The following NAV2 variants were observed in gnomAD, a reference collection of about 807,000 sequenced individuals.
The protein encoded by NAV2 is neuron navigator 2.
NAV2 carries 54 observed loss-of-function variants against 223.2 expected under a neutral mutation model. That is an observed-to-expected ratio of 0.24 (90% CI 0.19 to 0.30). NAV2 has a LOEUF of 0.30. Ranked by LOEUF, NAV2 falls within the 10% of genes least tolerant of loss-of-function variation. The pLI is 1.00. For synonymous variants in NAV2, 1,279 were observed against 1,239.3 expected (o/e 1.03, Z -0.67); for missense variants, 2,806 against 3,147.5 (o/e 0.89, Z 2.60).
intron 1 of NAV2, among the ~76,000 whole-genome samples, chr11:19,785,188 A>C (rs2057016037): frequency 6.6e-6 from 1 of 152,358 alleles, no homozygotes; most frequent in Middle Eastern, 3.4e-3. Flanking sequence ...TAGTTCAAGA[A>C]GAGGCCCCAT....
At chr11:19,674,392 G>A (rs1344124322) in intron 1 of NAV2, among the ~76,000 whole-genome samples, 1 of 152,230 alleles carries the variant, frequency 6.6e-6, no homozygotes, top group African/African-American at 2.4e-5. Flanking sequence ...TTGACAGGCA[G>A]GAATGACTGC....
chr11:19,623,830 G>A lies in NAV2; in HGVS notation c.76-208654G>A, dbSNP rs116304295. ...TGAGGAGCTGTGTTATTCCTTTGGA[G>A]GAGAAGAGGAGCTCTGATGTTTAGA... On this transcript the variant is annotated intron_variant, in intron 1 of 37. Transcript: ENST00000360655. 5.6e-4 allele frequency among the ~76,000 whole-genome samples: 85 copies of A among 152,334 alleles called. 3 individuals are homozygous for A. The highest frequency in any genetic ancestry group is 1.9e-3 in the African/African-American group (81 of 41,584).
chr11:20,011,447 C>G (rs952895583), intron 11 of NAV2, among the ~76,000 whole-genome samples: 1 of 152,174 alleles, frequency 6.6e-6, no homozygotes, highest in Non-Finnish European at 1.5e-5. Flanking sequence ...AAAGACCAAA[C>G]ATGTCTTGAA....
At chr11:19,829,983 T>G (rs916334788) in intron 1 of NAV2, among the ~76,000 whole-genome samples, 1 of 152,126 alleles carries the variant, frequency 6.6e-6, no homozygotes, top group Admixed American at 6.6e-5. Context: ...TCCTAGCACT[T>G]TGGGAGGCTG....
In NAV2 at chr11:19,921,547, T is replaced by C. The variant is rs78716133; in HGVS notation, c.932-11629T>C. 2.6e-5 allele frequency among the ~76,000 whole-genome samples: 4 copies of C among 152,338 alleles called. No homozygotes were observed. In the East Asian group the frequency reaches 7.7e-4, roughly 29 times the overall value. On this transcript the variant is annotated intron_variant, in intron 6 of 37. Transcript: ENST00000349880. ...AGTTAAAGGTCAACAAACTTTGTTGTAAAGTTTCTAAAAGCTGTTGACAGA... is the reference window on the plus strand; with the variant it reads ...AGTTAAAGGTCAACAAACTTTGTTGCAAAGTTTCTAAAAGCTGTTGACAGA...
At chr11:19,392,990 C>A (rs543104512) in intron 1 of NAV2, among the ~76,000 whole-genome samples, 1 of 152,308 alleles carries the variant, frequency 6.6e-6, no homozygotes, top group African/African-American at 2.4e-5. Flanking sequence ...TATGGGTCTT[C>A]CAGAGGCTAG....
intron 1 of NAV2, among the ~76,000 whole-genome samples, chr11:19,409,654 C>T (rs760303185): frequency 5.9e-5 from 9 of 152,186 alleles, no homozygotes; most frequent in Non-Finnish European, 8.8e-5. Context: ...ACAGAGCTCC[C>T]GTGATGCTGC....
chr11:19,496,024 C>T (rs2042783646), intron 1 of NAV2, among the ~76,000 whole-genome samples: 1 of 152,090 alleles, frequency 6.6e-6, no homozygotes, highest in South Asian at 2.1e-4. Context: ...AGCTGAGACC[C>T]AAAGAGTGCA....
chr11:19,613,411 G>A (rs2046698717), intron 1 of NAV2, among the ~76,000 whole-genome samples: 1 of 152,212 alleles, frequency 6.6e-6, no homozygotes, highest in Admixed American at 6.5e-5. Context: ...CACCACCACT[G>A]CATCAGGCAG....
intron 3 of NAV2, among the ~76,000 whole-genome samples, chr11:19,860,333 A>G (rs1474456359): frequency 2.4e-4 from 32 of 135,418 alleles, no homozygotes; most frequent in African/African-American, 8.2e-4. Flanking sequence ...TGCCAGGCAG[A>G]GGGTCTCCTC....
chr11:19,968,084 G>C (rs2048916597), intron 10 of NAV2, among the ~76,000 whole-genome samples: 1 of 151,950 alleles, frequency 6.6e-6, no homozygotes, highest in African/African-American at 2.4e-5. Flanking sequence ...ATAAGAGTAT[G>C]AGGACCGCTG....
Position 20,114,659 on chromosome 11 carries a change from C to T in NAV2, c.7028C>T (p.Ala2343Val). 6.2e-7 allele frequency: 1 copy of T among 1,614,114 alleles called. No individual in the cohort carries two copies. Among genetic ancestry groups the T allele is most frequent in the Non-Finnish European group, 8.5e-7 (1 of 1,180,002 alleles). ...GTGATGGACACATATCCATGGGCAG[C>T]CAGCCCACAACAGCACGAGTGGCCT... The part of the protein sequence containing the change: ...KWVMDTYPWA[A>V]SPQQHEWPPL... The change falls in exon 37 of 38, where the codon GCC becomes GTC. Residue 2343 changes from alanine (A) to valine (V), a missense_variant. Physicochemically the swap from Ala to Val is moderately conservative, Grantham distance 64. Transcript: ENST00000349880.
chr11:19,483,531 G>A (rs2042344292), intron 1 of NAV2, among the ~76,000 whole-genome samples: 1 of 152,162 alleles, frequency 6.6e-6, no homozygotes, highest in South Asian at 2.1e-4. Context: ...AAGTGAAAAG[G>A]TGAAAGTTCT....
At chr11:20,062,660 A>G (rs1010771881) in intron 20 of NAV2, among the ~76,000 whole-genome samples, 3 of 152,190 alleles carry the variant, frequency 2.0e-5, no homozygotes, top group Non-Finnish European at 4.4e-5. Flanking sequence ...GCCTTGAGCA[A>G]TTTATTAATC....
chr11:19,606,968 A>G (rs1000696117), intron 1 of NAV2, among the ~76,000 whole-genome samples: 6 of 152,168 alleles, frequency 3.9e-5, no homozygotes, highest in African/African-American at 1.4e-4. Context: ...AACACTTTGA[A>G]GTTGGAGATG....
intron 10 of NAV2, 105 bp from the exon 11 acceptor site, chr11:19,984,020 C>A: frequency 2.7e-6 from 4 of 1,454,718 alleles, no homozygotes; most frequent in Non-Finnish European, 3.8e-6. Context: ...CCGTTTCTTC[C>A]CCCTTAGAGC....
intron 1 of NAV2, among the ~76,000 whole-genome samples, chr11:19,779,377 G>A (rs1250791250): frequency 1.3e-5 from 2 of 152,322 alleles, no homozygotes; most frequent in Middle Eastern, 3.4e-3. Flanking sequence ...TATCCTCAGT[G>A]ATGAGCCTCA....
chr11:19,935,815 G>A (rs1182594731), intron 7 of NAV2, among the ~76,000 whole-genome samples: 3 of 145,138 alleles, frequency 2.1e-5, no homozygotes, highest in Admixed American at 6.9e-5. Context: ...TGACTCAGCT[G>A]GTCTACATAC....
intron 1 of NAV2, among the ~76,000 whole-genome samples, chr11:19,718,595 T>C (rs2097936157): frequency 1.3e-5 from 2 of 152,234 alleles, no homozygotes; most frequent in Non-Finnish European, 2.9e-5. Flanking sequence ...TGATTATGGA[T>C]TTGATTAGTG....
Sources: allele counts gnomAD v4.1 joint callset (sites outside exome capture counted in the v4.1 genomes callset), GRCh38; gene constraint gnomAD v4.1.1; transcripts MANE v1.5; gene names NCBI Gene and HGNC (gene_info 2026-07-23, HGNC 2026-07-21).